The following OR1S1 variants were observed in gnomAD, a reference collection of about 807,000 sequenced individuals.
The protein encoded by OR1S1 is olfactory receptor family 1 subfamily S member 1.
For synonymous variants in OR1S1, 156 were observed against 143.9 expected (o/e 1.08, Z -0.60); for missense variants, 411 against 367.5 (o/e 1.12, Z -0.97).
At chr11:58,215,568 C>A in exon 2 of OR1S1, 1 of 1,614,042 alleles carries the variant, frequency 6.2e-7, no homozygotes. Context: ...TACTTTTTCC[C>A]CTCCTCCACT....
chr11:58,215,456 G>C (rs563551079), exon 2 of OR1S1: 1 of 1,614,124 alleles, frequency 6.2e-7, no homozygotes, highest in South Asian at 1.1e-5. Context: ...CATCAGAGCT[G>C]TCCTGAGAGT....
At chr11:58,215,783 G>A (rs189114017) in exon 2 of OR1S1, 393 of 1,547,100 alleles carry the variant, frequency 2.5e-4, no homozygotes, top group South Asian at 1.4e-3. Context: ...AGCCCAGAGC[G>A]TATGGCACAG....
chr11:58,215,474 A>C (rs756353906), exon 2 of OR1S1: 2 of 1,614,072 alleles, frequency 1.2e-6, no homozygotes, highest in South Asian at 2.2e-5. Context: ...AGTATCTTCC[A>C]CACAGGGAAA....
chr11:58,215,864 C>A, exon 2 of OR1S1: 2 of 1,021,156 alleles, frequency 2.0e-6, no homozygotes, highest in Non-Finnish European at 2.9e-6. Context: ...GGGGTTGGAG[C>A]TTTTCCACTT....
At chr11:58,215,774 G>C (rs1163344895) in exon 2 of OR1S1, 10 of 1,566,034 alleles carry the variant, frequency 6.4e-6, no homozygotes, top group Non-Finnish European at 8.7e-6. Flanking sequence ...AAATGATTCA[G>C]CCCAGAGCGT....
intron 1 of OR1S1, among the ~76,000 whole-genome samples, chr11:58,213,104 C>A (rs918329082): frequency 1.3e-5 from 2 of 152,210 alleles, no homozygotes; most frequent in Non-Finnish European, 2.9e-5. Flanking sequence ...ATCTCTAATG[C>A]CTTTCAGTTT....
At chr11:58,214,783 T>C (rs1852899837) in exon 2 of OR1S1, 1 of 1,613,894 alleles carries the variant, frequency 6.2e-7, no homozygotes, top group Non-Finnish European at 8.5e-7. Flanking sequence ...TCGGCAGAAA[T>C]ATGCATCAAG....
At chr11:58,215,798 G>C in exon 2 of OR1S1, 1 of 1,513,440 alleles carries the variant, frequency 6.6e-7, no homozygotes, top group Non-Finnish European at 8.9e-7. Context: ...GCACAGTTGT[G>C]ATGGTTCAAC....
chr11:58,215,550 T>A (rs745766256), exon 2 of OR1S1: 3 of 1,614,138 alleles, frequency 1.9e-6, no homozygotes, highest in Non-Finnish European at 1.7e-6. Context: ...GGAACCATTG[T>A]AGGCGTGTAC....
At position 58,215,582 on chromosome 11, in the gene OR1S1, C is replaced by T. The variant is rs772620018; in HGVS notation, c.799C>T (p.Pro267Ser). 6.2e-7 allele frequency: 1 copy of T among 1,614,068 alleles called. No individual in the cohort carries two copies. Among genetic ancestry groups the T allele is most frequent in the Non-Finnish European group, 8.5e-7 (1 of 1,179,996 alleles). ...GTACTTTTTCCCCTCCTCCACTCAC[C>T]CTGAGGACACTGATAAGATTGGTGC... The change falls in exon 2 of 2, where the codon CCT becomes TCT. Residue 267 changes from proline to serine, a missense_variant. Transcript: ENST00000641544.
chr11:58,215,920 C>A (rs1852934538), exon 2 of OR1S1: 2 of 632,604 alleles, frequency 3.2e-6, no homozygotes, highest in Non-Finnish European at 5.4e-6. Context: ...TGGTAAGTCA[C>A]AAGAATAACA....
intron 1 of OR1S1, among the ~76,000 whole-genome samples, chr11:58,213,898 C>T (rs927803409): frequency 2.0e-5 from 3 of 152,148 alleles, no homozygotes; most frequent in African/African-American, 7.2e-5. Flanking sequence ...CCTCCTCTGC[C>T]CTGATAGGCT....
chr11:58,214,862 C>T, exon 2 of OR1S1: 1 of 1,614,070 alleles, frequency 6.2e-7, no homozygotes, highest in Non-Finnish European at 8.5e-7. Context: ...TCAAAACCTC[C>T]TCTTTGTGCT....
chr11:58,215,107 C>T lies in OR1S1; in HGVS notation c.324C>T (p.Val108=), dbSNP rs143223688. ...AGATGTACTTTTCTATTGTGTTTGT[C>T]GTCATTGACAATTTGCTCTTGGGGA... Residue 108 remains valine (V), a synonymous_variant, in exon 2 of 2, where the codon GTC becomes GTT. Transcript: ENST00000641544. 4.5e-3 allele frequency: 7,310 copies of T among 1,614,072 alleles called. 24 individuals carry two copies. Among genetic ancestry groups the T allele is most frequent in the Non-Finnish European group, 5.8e-3 (6,824 of 1,179,956 alleles).
chr11:58,214,838 A>T lies in OR1S1; in HGVS notation c.55A>T (p.Lys19Ter). 6.2e-7 allele frequency: 1 copy of T among 1,614,076 alleles called. No individual in the cohort carries two copies. The highest frequency in any genetic ancestry group is 8.5e-7 in the Non-Finnish European group (1 of 1,179,976). The change falls in exon 2 of 2, where the codon AAG becomes TAG. Residue 19 changes from lysine (K) to a stop codon, truncating the protein, a stop_gained. Transcript: ENST00000641544. LOFTEE classifies it low-confidence loss of function (END_TRUNC). ...TGAATTCATTCTCCTGGGATTTTTC[A>T]AGCAGGATGAGCATCAAAACCTCCT...
At chr11:58,214,416 T>G (rs1852887244) in intron 1 of OR1S1, among the ~76,000 whole-genome samples, 2 of 152,124 alleles carry the variant, frequency 1.3e-5, no homozygotes, top group South Asian at 4.1e-4. Context: ...ACCAGTTTGG[T>G]CATTTTTAAG....
At chr11:58,214,676 A>C (rs1378178206) in intron 1 of OR1S1, 53 bp from the exon 2 acceptor site, 1 of 1,380,002 alleles carries the variant, frequency 7.2e-7, no homozygotes, top group South Asian at 1.3e-5. Context: ...AGCAGAAGAA[A>C]CTTTATTCAA....
intron 1 of OR1S1, 54 bp from the exon 2 acceptor site, chr11:58,214,675 A>C: frequency 7.3e-7 from 1 of 1,374,674 alleles, no homozygotes; most frequent in Non-Finnish European, 1.0e-6. Context: ...AAGCAGAAGA[A>C]ACTTTATTCA....
At chr11:58,215,543 A>G (rs754056183) in exon 2 of OR1S1, 1 of 1,614,098 alleles carries the variant, frequency 6.2e-7, no homozygotes, top group Non-Finnish European at 8.5e-7. Context: ...GTTCTACGGA[A>G]CCATTGTAGG....
Sources: allele counts gnomAD v4.1 joint callset (sites outside exome capture counted in the v4.1 genomes callset), GRCh38; gene constraint gnomAD v4.1.1; transcripts MANE v1.5; gene names NCBI Gene and HGNC (gene_info 2026-07-23, HGNC 2026-07-21).